Variants in SLC9A2 observed in about 807,000 individuals in gnomAD.
The protein encoded by SLC9A2 is sodium/hydrogen exchanger 2.
A neutral mutation model predicts 71.7 loss-of-function variants in SLC9A2; 42 were observed. That is an observed-to-expected ratio of 0.59 (90% CI 0.46 to 0.76). The LOEUF is 0.76. SLC9A2 is among the 30% of genes least tolerant of loss of function. The probability of loss-of-function intolerance (pLI) is 0.00; values close to 1 mark genes in which losing one functional copy is unlikely to be tolerated. For synonymous variants in SLC9A2, 396 were observed against 392.5 expected, an observed-to-expected ratio of 1.01 and a Z score of -0.10; for missense variants, 829 against 1,017.4, an observed-to-expected ratio of 0.81 and a Z score of 2.52.
At chr2:102,627,335 A>C (rs1326406875) in intron 1 of SLC9A2, among the ~76,000 whole-genome samples, 1 of 152,112 alleles carries the variant, frequency 6.6e-6, no homozygotes. Flanking sequence ...AACAAAAAAA[A>C]CAAACTGTTC....
chr2:102,634,844 A>C (rs1259553850), intron 1 of SLC9A2, among the ~76,000 whole-genome samples: 1 of 152,098 alleles, frequency 6.6e-6, no homozygotes, highest in Non-Finnish European at 1.5e-5. Flanking sequence ...GGCTAGGTGA[A>C]AGACTAGGCC....
intron 3 of SLC9A2, among the ~76,000 whole-genome samples, chr2:102,682,707 A>G (rs1284133173): frequency 6.6e-6 from 1 of 152,230 alleles, no homozygotes; most frequent in East Asian, 1.9e-4. Flanking sequence ...AAGGATAAAA[A>G]GAAGTGAGTG....
chr2:102,622,736 CCAT>C (rs1288419455), intron 1 of SLC9A2, among the ~76,000 whole-genome samples: 2 of 152,188 alleles, frequency 1.3e-5, no homozygotes, highest in African/African-American at 4.8e-5. Flanking sequence ...TGTAAGCACT[CCAT>C]CACTCCATCC....
At chr2:102,627,270 G>A (rs1676268808) in intron 1 of SLC9A2, among the ~76,000 whole-genome samples, 1 of 152,122 alleles carries the variant, frequency 6.6e-6, no homozygotes, top group South Asian at 2.1e-4. Context: ...CTGCGATGAT[G>A]CCACTGCACT....
chr2:102,671,878 G>A (rs556240088), intron 3 of SLC9A2, among the ~76,000 whole-genome samples: 33 of 152,280 alleles, frequency 2.2e-4, no homozygotes, highest in Middle Eastern at 3.4e-3. Flanking sequence ...GGCTGAGGCA[G>A]GTGGATAACT....
At chr2:102,694,040 C>T (rs1677708921) in intron 5 of SLC9A2, among the ~76,000 whole-genome samples, 1 of 151,974 alleles carries the variant, frequency 6.6e-6, no homozygotes, top group South Asian at 2.1e-4. Flanking sequence ...AACTCCTGGC[C>T]CCAAGTGATC....
rs747391806 is a variant in SLC9A2, at chr2:102,708,327, G to A, written c.2277G>A (p.Thr759=). Residue 759 remains threonine (T), a synonymous_variant, in exon 12 of 12, where the codon ACG becomes ACA. Transcript: ENST00000233969. The part of the protein sequence containing the change: ...TPHSREKGTQ[T]SGLLQQPLLS... ...ACAGCAGAGAAAAGGGCACCCAGACGTCAGGCTTACTACAGCAGCCCCTTC... is the reference window on the plus strand; with the variant it reads ...ACAGCAGAGAAAAGGGCACCCAGACATCAGGCTTACTACAGCAGCCCCTTC... 5.0e-6 allele frequency: 8 copies of A among 1,614,176 alleles called. No individual in the cohort carries two copies. Among genetic ancestry groups the A allele is most frequent in the African/African-American group, 4.0e-5 (3 of 75,036 alleles).
chr2:102,665,081 G>T lies in SLC9A2; in HGVS notation c.754-19G>T, dbSNP rs1677108322. 1 of 1,347,752 alleles carries T rather than the reference G, an allele frequency of 7.4e-7. No homozygotes were observed. The highest frequency in any genetic ancestry group is 1.0e-6 in the Non-Finnish European group (1 of 986,830). 83.5% of individuals were successfully genotyped at this position (1,347,752 alleles called of 1,614,324 possible). A position where few individuals can be genotyped will look rare whatever the true frequency, so the allele number is the denominator to read the frequency against. On this transcript the variant is annotated intron_variant, in intron 2 of 11. Transcript: ENST00000233969. ...AAATGGGAAAGGGTCTTGACAAGGT[G>T]TTTTTTTTTTTCCTGCAGGTCCTGT...
At chr2:102,685,810 T>A (rs1434576537) in intron 5 of SLC9A2, among the ~76,000 whole-genome samples, 2 of 152,116 alleles carry the variant, frequency 1.3e-5, no homozygotes, top group African/African-American at 2.4e-5. Context: ...GAGATACGGA[T>A]GAGGCAGATA....
At chr2:102,684,562 A>T (rs908650487) in intron 5 of SLC9A2, among the ~76,000 whole-genome samples, 1 of 152,216 alleles carries the variant, frequency 6.6e-6, no homozygotes, top group Admixed American at 6.5e-5. Flanking sequence ...TAAGGAAACT[A>T]AACTAAGCGC....
intron 1 of SLC9A2, among the ~76,000 whole-genome samples, chr2:102,626,610 T>A (rs1029965500): frequency 6.6e-6 from 1 of 152,136 alleles, no homozygotes; most frequent in Non-Finnish European, 1.5e-5. Context: ...CACAGCAAAA[T>A]GAACTACCAT....
intron 1 of SLC9A2, among the ~76,000 whole-genome samples, chr2:102,642,429 G>A (rs1001684552): frequency 5.7e-5 from 7 of 122,754 alleles, no homozygotes; most frequent in African/African-American, 1.9e-4. Context: ...TGATATAATC[G>A]TGTGGTTTTT....
At chr2:102,646,785 A>ATATATATATATATATATATATATATC (rs1558706172) in intron 1 of SLC9A2, among the ~76,000 whole-genome samples, 19 of 148,142 alleles carry the variant, frequency 1.3e-4, no homozygotes, top group African/African-American at 4.8e-4. Context: ...ATATATATAT[A>ATATATATATATATATATATATATATC]TATATCTCCA....
Position 102,627,259 on chromosome 2 carries a change from T to C in SLC9A2, c.289+7122T>C, listed in dbSNP as rs143298442. On this transcript the variant is annotated intron_variant, in intron 1 of 11. Coordinates refer to ENST00000233969, the MANE Select transcript of SLC9A2 (RefSeq NM_003048.6). ...GCTCAGGAGTTCAAAGTTACAGTGA[T>C]CTGCGATGATGCCACTGCACTCCAG... Among the ~76,000 whole-genome samples the C allele has an allele frequency of 4.5e-4, 69 of 152,238 alleles. No individual in the cohort carries two copies. In the East Asian group the frequency reaches 6.8e-3, roughly 15 times the overall value.
chr2:102,635,349 C>T (rs539799601), intron 1 of SLC9A2, among the ~76,000 whole-genome samples: 1 of 152,336 alleles, frequency 6.6e-6, no homozygotes, highest in South Asian at 2.1e-4. Flanking sequence ...AGGAAAATGG[C>T]AGCATTCTTT....
intron 2 of SLC9A2, among the ~76,000 whole-genome samples, chr2:102,662,571 G>A (rs1214882563): frequency 6.6e-6 from 1 of 152,196 alleles, no homozygotes; most frequent in Non-Finnish European, 1.5e-5. Context: ...AGGGGTCCAG[G>A]AGGGCTCCTG....
At chr2:102,644,511 G>T (rs2080283) in intron 1 of SLC9A2, among the ~76,000 whole-genome samples, 1,797 of 152,306 alleles carry the variant, frequency 0.012, 40 homozygotes, top group African/African-American at 0.04. Context: ...AAGCCAAGTG[G>T]TCTAGCTCAG....
intron 3 of SLC9A2, among the ~76,000 whole-genome samples, chr2:102,667,816 T>C (rs978048031): frequency 6.6e-6 from 1 of 152,096 alleles, no homozygotes; most frequent in Non-Finnish European, 1.5e-5. Flanking sequence ...ATGCCTGTAA[T>C]CCCAGCACTT....
At chr2:102,670,995 C>T (rs190616058) in intron 3 of SLC9A2, among the ~76,000 whole-genome samples, 5 of 151,864 alleles carry the variant, frequency 3.3e-5, no homozygotes, top group Admixed American at 1.3e-4. Context: ...TGTTTACTTG[C>T]GTTCACAAAG....
Sources: gnomAD v4.1 joint callset for allele counts (sites outside exome capture counted in the v4.1 genomes callset) on GRCh38, gnomAD v4.1.1 for gene constraint, MANE v1.5 for transcripts, NCBI Gene and HGNC (gene_info 2026-07-23, HGNC 2026-07-21) for gene names.